XPR1: variants seen among roughly 807,000 people sequenced by gnomAD.
XPR1 encodes xenotropic and polytropic retrovirus receptor 1.
A neutral mutation model predicts 87.5 loss-of-function variants in XPR1; 28 were observed. The observed-to-expected ratio is 0.32, with a 90% confidence interval of 0.24 to 0.44. The LOEUF (loss-of-function observed/expected upper bound fraction) is 0.44, where lower values mean the gene tolerates loss of function less well. Ranked by LOEUF, XPR1 falls within the 20% of genes least tolerant of loss-of-function variation. The pLI is 1.00. For missense variants in XPR1, 559 were observed against 862.3 expected (o/e 0.65, Z 4.41); for synonymous variants, 300 against 306.1 (o/e 0.98, Z 0.21).
In XPR1 at chr1:180,691,922, G is replaced by A. The variant is rs193033975; in HGVS notation, c.121+9511G>A. Among the ~76,000 whole-genome samples the A allele has an allele frequency of 1.1e-3, 172 of 152,194 alleles. 1 individual carries two copies. Among genetic ancestry groups the A allele is most frequent in the Middle Eastern group, 0.01 (3 of 292 alleles). On this transcript the variant is annotated intron_variant, in intron 2 of 14. Transcript: ENST00000367590. The stretch of plus-strand genomic sequence containing the variant: ...TTGCATTTCTAAAATTCATGAAGTA[G>A]TTTTTGCATTTATAGGATTACTGTC...
chr1:180,757,199 G>A (rs1366556016), intron 2 of XPR1, among the ~76,000 whole-genome samples: 6 of 152,036 alleles, frequency 3.9e-5, no homozygotes, highest in South Asian at 4.2e-4. Context: ...TCAAAGTAGG[G>A]GTGACATTTC....
rs754420822 is a variant in XPR1 at position 180,888,437 on chromosome 1, G to GA, written c.*4378dup. ...TTTAAAATTGAGATAGCTTCTGAGAGAAAAAAAGAAAGTTGAATTTGTAGC... is the reference window on the plus strand; with the variant it reads ...TTTAAAATTGAGATAGCTTCTGAGAGAAAAAAAAGAAAGTTGAATTTGTAGC... On this transcript the variant is annotated 3_prime_UTR_variant, in exon 15 of 15. Transcript: ENST00000367590. 3.5e-5 allele frequency: 3 copies of GA among 84,642 alleles called. No homozygotes were observed. Among genetic ancestry groups the GA allele is most frequent in the Non-Finnish European group, 8.7e-5 (3 of 34,464 alleles). 5.2% of individuals were successfully genotyped at this position (84,642 alleles called of 1,614,324 possible).
chr1:180,770,005 A>G (rs16856422), intron 2 of XPR1, among the ~76,000 whole-genome samples: 38,624 of 151,974 alleles, frequency 0.25, 4,960 homozygotes, highest in Middle Eastern at 0.29. Flanking sequence ...TCTCTTAAAT[A>G]ATTATTTTGG....
intron 2 of XPR1, among the ~76,000 whole-genome samples, chr1:180,688,290 T>A (rs1656859420): frequency 1.3e-5 from 2 of 151,192 alleles, no homozygotes. Flanking sequence ...AGTTTTGCCA[T>A]GTTGGCCAGG....
At chr1:180,792,403 T>G (rs1197789345) in intron 3 of XPR1, among the ~76,000 whole-genome samples, 2 of 152,238 alleles carry the variant, frequency 1.3e-5, no homozygotes, top group Non-Finnish European at 2.9e-5. Context: ...ATTTTTTTCT[T>G]GCCGATGCTA....
chr1:180,863,261 G>A (rs1652277606), intron 11 of XPR1, among the ~76,000 whole-genome samples: 1 of 152,074 alleles, frequency 6.6e-6, no homozygotes, highest in African/African-American at 2.4e-5. Flanking sequence ...ACATCTAAGT[G>A]TATGAAGGAA....
At chr1:180,836,390 G>A in intron 10 of XPR1, 132 bp from the exon 11 acceptor site, 1 of 907,524 alleles carries the variant, frequency 1.1e-6, no homozygotes, top group Non-Finnish European at 1.6e-6. Context: ...GAATATAATA[G>A]TTGCAAAGAA....
intron 2 of XPR1, among the ~76,000 whole-genome samples, chr1:180,727,721 C>CAT (rs1270733099): frequency 1.6e-4 from 25 of 152,322 alleles, no homozygotes; most frequent in Non-Finnish European, 2.6e-4. Flanking sequence ...TAGACAAGAG[C>CAT]ATACTCAAGG....
intron 11 of XPR1, among the ~76,000 whole-genome samples, chr1:180,853,020 C>T (rs549591992): frequency 6.6e-6 from 1 of 152,222 alleles, no homozygotes; most frequent in East Asian, 1.9e-4. Context: ...AGCCTCCACC[C>T]GTTGGGTTCA....
At chr1:180,665,707 TGCCACACAGCTG>T (rs1396347666) in intron 1 of XPR1, among the ~76,000 whole-genome samples, 2 of 152,146 alleles carry the variant, frequency 1.3e-5, no homozygotes, top group Non-Finnish European at 2.9e-5. Flanking sequence ...TCTCTCTCTG[TGCCACACAGCTG>T]GCCACACTGC....
At chr1:180,655,771 T>A (rs1407274581) in intron 1 of XPR1, among the ~76,000 whole-genome samples, 6 of 152,086 alleles carry the variant, frequency 3.9e-5, no homozygotes, top group Non-Finnish European at 2.9e-5. Flanking sequence ...TTAAAAAAAA[T>A]TGCCCAATTT....
chr1:180,835,258 A>G (rs1651239150), intron 10 of XPR1, among the ~76,000 whole-genome samples: 2 of 152,228 alleles, frequency 1.3e-5, no homozygotes, highest in Non-Finnish European at 2.9e-5. Context: ...TCCATTTGCC[A>G]AGATATTTAC....
intron 11 of XPR1, among the ~76,000 whole-genome samples, chr1:180,858,470 G>A (rs1652107647): frequency 1.3e-5 from 2 of 152,052 alleles, no homozygotes; most frequent in African/African-American, 4.8e-5. Context: ...TTACTTCATG[G>A]TTTTATGAAA....
intron 7 of XPR1, among the ~76,000 whole-genome samples, chr1:180,823,297 A>G (rs1650707042): frequency 6.6e-6 from 1 of 152,172 alleles, no homozygotes; most frequent in South Asian, 2.1e-4. Context: ...AGTACTGTCA[A>G]TAAATTTTAT....
chr1:180,852,012 T>A (rs1168427925), intron 11 of XPR1, among the ~76,000 whole-genome samples: 1 of 151,576 alleles, frequency 6.6e-6, no homozygotes, highest in African/African-American at 2.4e-5. Flanking sequence ...TAGGCATACA[T>A]AGATGAACAA....
intron 3 of XPR1, among the ~76,000 whole-genome samples, chr1:180,800,007 C>T (rs1244838049): frequency 6.6e-6 from 1 of 152,158 alleles, no homozygotes; most frequent in Non-Finnish European, 1.5e-5. Flanking sequence ...CTAATTTCTG[C>T]AGTTCTATCT....
At chr1:180,775,075 C>T (rs540036264) in intron 2 of XPR1, among the ~76,000 whole-genome samples, 1 of 152,274 alleles carries the variant, frequency 6.6e-6, no homozygotes, top group South Asian at 2.1e-4. Context: ...TCTTAAAGCC[C>T]CACCTCTAAA....
At chr1:180,878,395 C>T (rs999580658) in intron 13 of XPR1, 1 of 152,180 alleles carries the variant, frequency 6.6e-6, no homozygotes, top group African/African-American at 2.4e-5. Flanking sequence ...TCCACTCTCA[C>T]TTCTCTCCCA....
intron 4 of XPR1, 28 bp downstream of exon 4, chr1:180,803,639 G>A (rs756603710): frequency 1.9e-6 from 3 of 1,571,966 alleles, no homozygotes; most frequent in South Asian, 2.3e-5. Flanking sequence ...CTAGAAAATG[G>A]CACCTTTAAG....
Sources: allele counts gnomAD v4.1 joint callset (sites outside exome capture counted in the v4.1 genomes callset), GRCh38; gene constraint gnomAD v4.1.1; transcripts MANE v1.5; gene names NCBI Gene and HGNC (gene_info 2026-07-23, HGNC 2026-07-21).